PHLPP2: variants seen among roughly 807,000 people sequenced by gnomAD.
The protein encoded by PHLPP2 is PH domain leucine-rich repeat-containing protein phosphatase 2.
A neutral mutation model predicts 124.9 loss-of-function variants in PHLPP2; 66 were observed. The ratio of observed to expected loss-of-function variants is 0.53; its 90% CI spans 0.43 to 0.65. The LOEUF (loss-of-function observed/expected upper bound fraction) is 0.65. PHLPP2 is among the 30% of genes least tolerant of loss of function. The pLI, the probability that PHLPP2 is intolerant of heterozygous loss-of-function variation, is 0.00. For missense variants in PHLPP2, 1,685 were observed against 1,600.4 expected (o/e 1.05, Z -0.90); for synonymous variants, 681 against 624.7 (o/e 1.09, Z -1.34).
chr16:71,679,667 A>C, intron 6 of PHLPP2, 132 bp from the exon 7 acceptor site: 3 of 728,936 alleles, frequency 4.1e-6, no homozygotes, highest in South Asian at 3.9e-5. Context: ...ATACTTATTG[A>C]GCACTCGCTG....
intron 3 of PHLPP2, among the ~76,000 whole-genome samples, chr16:71,691,392 C>G (rs1025066659): frequency 6.6e-6 from 1 of 151,858 alleles, no homozygotes; most frequent in African/African-American, 2.4e-5. Flanking sequence ...ACCCAGAAGG[C>G]AAAGCTTGCA....
chr16:71,679,158 C>T lies in PHLPP2; in HGVS notation c.1038-173G>A, dbSNP rs185033098. Among the ~76,000 whole-genome samples the T allele has an allele frequency of 4.3e-3, 657 of 152,302 alleles. 10 individuals are homozygous for T. The highest frequency in any genetic ancestry group is 0.015 in the African/African-American group (636 of 41,554). The stretch of plus-strand genomic sequence containing the variant: ...ATAGATGATTTACACACAACTTAAA[C>T]AAATGGTCCCTCCAACATTAAAAGA... On this transcript the variant is annotated intron_variant, in intron 7 of 18. Transcript: ENST00000568954.
At chr16:71,721,735 G>A (rs1464500828) in intron 1 of PHLPP2, among the ~76,000 whole-genome samples, 1 of 150,676 alleles carries the variant, frequency 6.6e-6, no homozygotes, top group Non-Finnish European at 1.5e-5. Flanking sequence ...TCTTCTATAA[G>A]CTGAGTAAAA....
rs1177903043 is a variant in PHLPP2 at position 71,658,212 on chromosome 16, C to G, written c.2279+21G>C. On this transcript the variant is annotated intron_variant, in intron 15 of 18. Transcript: ENST00000568954. ...GGTGGGCTAAGAGCACATAGAGATT[C>G]CATTTCAAATTTTTTCCTACCTAAA... 4 of 1,609,400 alleles carry G rather than the reference C, an allele frequency of 2.5e-6. No homozygotes were observed. The African/African-American group carries it at 5.3e-5, about 22-fold the overall frequency.
At chr16:71,656,718 T>C (rs764618876) in intron 15 of PHLPP2, 37 bp from the exon 16 acceptor site, 18 of 1,235,680 alleles carry the variant, frequency 1.5e-5, no homozygotes, top group Non-Finnish European at 2.1e-5. Context: ...CATATATTCT[T>C]CTGTATTTTA....
chr16:71,672,327 T>C lies in PHLPP2; in HGVS notation c.1472-5A>G, dbSNP rs1468015976. 2 of 1,610,748 alleles carry C rather than the reference T, an allele frequency of 1.2e-6. No homozygotes were observed. The highest frequency in any genetic ancestry group is 1.7e-6 in the Non-Finnish European group (2 of 1,177,258). On this transcript the variant is annotated splice_region_variant and splice_polypyrimidine_tract_variant and intron_variant, in intron 9 of 18. Transcript: ENST00000568954. The stretch of plus-strand genomic sequence containing the variant: ...AGACGTTCACTGCTGTCAGCCCTAA[T>C]CCAAAAACAAACAGGTGTTAGTGAC...
At chr16:71,706,639 G>T (rs969462210) in intron 2 of PHLPP2, among the ~76,000 whole-genome samples, 5 of 152,046 alleles carry the variant, frequency 3.3e-5, no homozygotes, top group Non-Finnish European at 5.9e-5. Flanking sequence ...TTTCATACCT[G>T]ACACTATGCT....
intron 3 of PHLPP2, among the ~76,000 whole-genome samples, chr16:71,700,804 C>T (rs1037647918): frequency 1.3e-5 from 2 of 152,108 alleles, no homozygotes; most frequent in African/African-American, 4.8e-5. Flanking sequence ...GGATTACAGG[C>T]GTGAGCCACC....
At chr16:71,664,781 T>G (rs1302755147) in intron 12 of PHLPP2, among the ~76,000 whole-genome samples, 1 of 152,068 alleles carries the variant, frequency 6.6e-6, no homozygotes, top group Non-Finnish European at 1.5e-5. Flanking sequence ...TTTTGTCTGG[T>G]TTTAATAGCA....
intron 2 of PHLPP2, among the ~76,000 whole-genome samples, chr16:71,709,246 C>T (rs536578391): frequency 9.8e-4 from 149 of 152,200 alleles, no homozygotes; most frequent in African/African-American, 3.5e-3. Context: ...ATGTTTCATT[C>T]CACCTTTATA....
At chr16:71,678,338 A>G (rs1338130084) in intron 8 of PHLPP2, 3 of 177,682 alleles carry the variant, frequency 1.7e-5, no homozygotes, top group African/African-American at 7.2e-5. Flanking sequence ...ATATTTCTAC[A>G]CTATTCAAAA....
intron 2 of PHLPP2, among the ~76,000 whole-genome samples, chr16:71,705,757 G>C (rs1200770195): frequency 1.3e-5 from 2 of 152,074 alleles, no homozygotes; most frequent in African/African-American, 4.8e-5. Flanking sequence ...TGATCTGCCC[G>C]CCTTGGCCTC....
At chr16:71,715,670 C>T (rs972859663) in intron 1 of PHLPP2, 8 of 151,122 alleles carry the variant, frequency 5.3e-5, no homozygotes, top group African/African-American at 2.0e-4. Context: ...CAGAGCAAGA[C>T]TCCATCTCAA....
Position 71,650,182 on chromosome 16 carries a change from T to A in PHLPP2, c.2818-138A>T, listed in dbSNP as rs997683888. The A allele has an allele frequency of 1.6e-5, 10 of 634,968 alleles. No homozygotes were observed. In the African/African-American group the frequency reaches 1.8e-4, roughly 12 times the overall value. 39.3% of individuals were successfully genotyped at this position (634,968 alleles called of 1,614,324 possible). A position where few individuals can be genotyped will look rare whatever the true frequency, so the allele number is the denominator to read the frequency against. On this transcript the variant is annotated intron_variant, in intron 18 of 18. Transcript: ENST00000568954. ...TCCTATGGATTAGTATAATTTTAAA[T>A]GGATGCACACAAATAAATGTAGAGA...
At chr16:71,676,705 AC>A in intron 8 of PHLPP2, 56 bp from the exon 9 acceptor site, 1 of 1,304,530 alleles carries the variant, frequency 7.7e-7, no homozygotes, top group Non-Finnish European at 1.1e-6. Flanking sequence ...AAATGTGCTT[AC>A]CAGAATAAAA....
chr16:71,664,706 C>T (rs909503137), intron 12 of PHLPP2, among the ~76,000 whole-genome samples: 2 of 151,988 alleles, frequency 1.3e-5, no homozygotes, highest in Non-Finnish European at 2.9e-5. Flanking sequence ...GAGCCGAGAT[C>T]GTGCCACTGC....
At position 71,662,230 on chromosome 16, in the gene PHLPP2, G is replaced by C. The variant is rs368449073; in HGVS notation, c.1985+1669C>G. On this transcript the variant is annotated intron_variant, in intron 13 of 18. Coordinates refer to ENST00000568954, the MANE Select transcript of PHLPP2 (RefSeq NM_015020.3). ...GCGGATCACGAGGCCAGGAGTTCGA[G>C]ACTAGTCTGGCCAATATGGTGAAAC... Among the ~76,000 whole-genome samples, 74 of 151,560 alleles carry C rather than the reference G, an allele frequency of 4.9e-4. 1 individual carries two copies. The East Asian group carries it at 0.014, about 28-fold the overall frequency.
At chr16:71,711,062 G>A (rs919940649) in intron 2 of PHLPP2, among the ~76,000 whole-genome samples, 1 of 152,206 alleles carries the variant, frequency 6.6e-6, no homozygotes, top group East Asian at 1.9e-4. Context: ...GGGCACGGTG[G>A]CTCATGCCTG....
Position 71,658,337 on chromosome 16 carries a change from C to A in PHLPP2, c.2175G>T (p.Leu725Phe), listed in dbSNP as rs199619105. The A allele has an allele frequency of 6.2e-7, 1 of 1,613,812 alleles. No homozygotes were observed. Among genetic ancestry groups the A allele is most frequent in the South Asian group, 1.1e-5 (1 of 91,042 alleles). ...IQFVDLSCND[L>F]TEILIPEALP... ...AAGCCTCTGGAATCAGGATTTCTGT[C>A]AAGTCGTTGCAACTTAGGTCTACAA... Residue 725 changes from leucine (L) to phenylalanine (F), a missense_variant, in exon 15 of 19, where the codon TTG becomes TTT. Transcript: ENST00000568954.
Sources: gnomAD v4.1 joint callset for allele counts (sites outside exome capture counted in the v4.1 genomes callset) on GRCh38, gnomAD v4.1.1 for gene constraint, MANE v1.5 for transcripts, NCBI Gene and HGNC (gene_info 2026-07-23, HGNC 2026-07-21) for gene names.